The following MALRD1 variants were observed in gnomAD, a reference collection of about 807,000 sequenced individuals.
MALRD1 encodes the protein MAM and LDL-receptor class A domain-containing protein 1.
Under a neutral mutation model 242.1 loss-of-function variants are expected in MALRD1, and 247 were observed. That is an observed-to-expected ratio of 1.02 (90% CI 0.92 to 1.13). The LOEUF is 1.13. Among genes scored for constraint, MALRD1 ranks in the 50% most tolerant of loss-of-function variants. MALRD1 has a pLI of 0.00. For synonymous variants in MALRD1, 995 were observed against 866.6 expected (o/e 1.15, Z -2.60); for missense variants, 2,989 against 2,533.1 (o/e 1.18, Z -3.86).
At chr10:19,110,786 T>C (rs773762428) in intron 5 of MALRD1, among the ~76,000 whole-genome samples, 4 of 152,144 alleles carry the variant, frequency 2.6e-5, no homozygotes, top group African/African-American at 7.2e-5. Flanking sequence ...AATTTTATAG[T>C]TTCTGCAGAG....
chr10:19,564,759 C>T (rs1057083046), intron 32 of MALRD1, among the ~76,000 whole-genome samples: 6 of 151,958 alleles, frequency 3.9e-5, no homozygotes, highest in Non-Finnish European at 8.8e-5. Context: ...GGAAGTTAGC[C>T]ATTGTGGTTT....
chr10:19,545,785 C>A (rs574787658), intron 32 of MALRD1, among the ~76,000 whole-genome samples: 88 of 152,272 alleles, frequency 5.8e-4, no homozygotes, highest in Admixed American at 1.6e-3. Flanking sequence ...CAACCCCTCA[C>A]GTAAATTCAC....
At chr10:19,694,319 T>C (rs1011710486) in intron 38 of MALRD1, among the ~76,000 whole-genome samples, 5 of 152,018 alleles carry the variant, frequency 3.3e-5, no homozygotes, top group African/African-American at 9.7e-5. Context: ...ATTTTTGCAA[T>C]CTACTCATCT....
At chr10:19,080,259 A>G (rs190453055) in intron 2 of MALRD1, among the ~76,000 whole-genome samples, 34 of 152,126 alleles carry the variant, frequency 2.2e-4, no homozygotes, top group Non-Finnish European at 4.3e-4. Flanking sequence ...ACAAAATTGG[A>G]AGGAACTATT....
Position 19,339,235 on chromosome 10 carries a change from T to A in MALRD1, c.3901+7653T>A, listed in dbSNP as rs913670766. 5.3e-5 allele frequency among the ~76,000 whole-genome samples: 8 copies of A among 152,094 alleles called. No homozygotes were observed. In the East Asian group the frequency reaches 1.5e-3, roughly 29 times the overall value. On this transcript the variant is annotated intron_variant, in intron 24 of 39. Coordinates refer to ENST00000454679, the MANE Select transcript of MALRD1 (RefSeq NM_001142308.3). ...TTTTAGCAGTCCACTATTTAAATGA[T>A]CAATTAAAGTTTCTATTTCTGAGGT...
chr10:19,191,555 G>A (rs72792619), intron 14 of MALRD1, among the ~76,000 whole-genome samples: 25,467 of 152,158 alleles, frequency 0.17, 2,313 homozygotes, highest in Non-Finnish European at 0.2. Context: ...GTTCATAGAA[G>A]CATTATTCAC....
At chr10:19,132,642 G>A (rs1833157760) in intron 8 of MALRD1, among the ~76,000 whole-genome samples, 1 of 152,000 alleles carries the variant, frequency 6.6e-6, no homozygotes, top group Admixed American at 6.6e-5. Context: ...TGCCTTTCAG[G>A]GCCGTTTTCT....
chr10:19,454,431 T>TATATATATATACATAC (rs1011890675), intron 29 of MALRD1, among the ~76,000 whole-genome samples: 2 of 136,712 alleles, frequency 1.5e-5, no homozygotes, highest in Admixed American at 7.4e-5. Flanking sequence ...TATATATATA[T>TATATATATATACATAC]AATTATATGA....
At chr10:19,249,009 TTA>T (rs983835805) in intron 18 of MALRD1, among the ~76,000 whole-genome samples, 4 of 147,200 alleles carry the variant, frequency 2.7e-5, no homozygotes, top group African/African-American at 7.4e-5. Context: ...TTAAATATAT[TTA>T]TATGATATAT....
At chr10:19,627,761 A>G (rs995020945) in intron 36 of MALRD1, among the ~76,000 whole-genome samples, 1 of 142,546 alleles carries the variant, frequency 7.0e-6, no homozygotes, top group Non-Finnish European at 1.5e-5. Context: ...AGACTGTCTA[A>G]AAAAAAAAAA....
chr10:19,136,671 G>T lies in MALRD1; in HGVS notation c.1301G>T (p.Cys434Phe). 8.1e-7 allele frequency: 1 copy of T among 1,231,680 alleles called. No individual in the cohort carries two copies. The allele number at this position is 1,231,680 out of a possible 1,614,324, so 76.3% of individuals were successfully genotyped here. The stretch of plus-strand genomic sequence containing the variant: ...GGACAGACCCAATCCAGAAAGCTTT[G>T]CTCTGCAGACGAATTCCCTTGCACT... ...ACGQTQSRKL[C>F]SADEFPCTSG... The change falls in exon 10 of 40, where the codon TGC (cysteine) becomes TTC (phenylalanine). Residue 434 changes from cysteine (C) to phenylalanine (F), a missense_variant. Physicochemically the swap from Cys to Phe is radical, Grantham distance 205 (BLOSUM62 -2). Coordinates refer to ENST00000454679, the MANE Select transcript of MALRD1 (RefSeq NM_001142308.3).
intron 28 of MALRD1, among the ~76,000 whole-genome samples, chr10:19,447,970 A>G (rs1293813822): frequency 6.6e-6 from 1 of 152,098 alleles, no homozygotes; most frequent in Non-Finnish European, 1.5e-5. Flanking sequence ...TTAATGATCT[A>G]TCTATAAACT....
At chr10:19,660,974 G>A (rs1254182057) in intron 36 of MALRD1, among the ~76,000 whole-genome samples, 1 of 152,150 alleles carries the variant, frequency 6.6e-6, no homozygotes, top group Non-Finnish European at 1.5e-5. Context: ...AGTGGGCGAA[G>A]GATATGAACA....
intron 29 of MALRD1, among the ~76,000 whole-genome samples, chr10:19,460,725 G>A (rs1835897347): frequency 6.6e-6 from 1 of 152,100 alleles, no homozygotes; most frequent in Non-Finnish European, 1.5e-5. Flanking sequence ...GGACCCTTGA[G>A]GTAAACATAG....
At chr10:19,408,967 C>G (rs1833156045) in intron 28 of MALRD1, among the ~76,000 whole-genome samples, 1 of 152,176 alleles carries the variant, frequency 6.6e-6, no homozygotes, top group East Asian at 1.9e-4. Context: ...GAAATGAAGA[C>G]TTATGTTCAC....
At chr10:19,254,899 G>C (rs951258019) in intron 18 of MALRD1, among the ~76,000 whole-genome samples, 3 of 151,938 alleles carry the variant, frequency 2.0e-5, no homozygotes, top group Non-Finnish European at 4.4e-5. Context: ...TCTCTTATGA[G>C]TTAACTGAGG....
intron 32 of MALRD1, among the ~76,000 whole-genome samples, chr10:19,545,185 A>T (rs116060054): frequency 0.014 from 2,082 of 151,880 alleles, 24 homozygotes; most frequent in East Asian, 0.044. Flanking sequence ...TTATGTCTAA[A>T]TTTTTTCATT....
intron 29 of MALRD1, among the ~76,000 whole-genome samples, chr10:19,462,290 C>T (rs80256941): frequency 0.089 from 13,500 of 152,284 alleles, 792 homozygotes; most frequent in Non-Finnish European, 0.14. Flanking sequence ...ATCTACCTGC[C>T]CTAATCATCC....
chr10:19,480,719 C>A (rs961438757), intron 29 of MALRD1, among the ~76,000 whole-genome samples: 1 of 152,150 alleles, frequency 6.6e-6, no homozygotes, highest in African/African-American at 2.4e-5. Context: ...CTTCTTGTTG[C>A]ATGAGACCAT....
Sources: allele counts gnomAD v4.1 joint callset (sites outside exome capture counted in the v4.1 genomes callset), GRCh38; gene constraint gnomAD v4.1.1; transcripts MANE v1.5; gene names NCBI Gene and HGNC (gene_info 2026-07-23, HGNC 2026-07-21).